ACTR3: variants seen among roughly 807,000 people sequenced by gnomAD.
ACTR3 encodes actin-related protein 3.
ACTR3 carries 12 observed loss-of-function variants against 56.8 expected under a neutral mutation model. That is an observed-to-expected ratio of 0.21 (90% CI 0.14 to 0.34). The LOEUF is 0.34. Ranked by LOEUF, ACTR3 falls within the 10% of genes least tolerant of loss-of-function variation. ACTR3 has a pLI of 1.00. For missense variants in ACTR3, 282 were observed against 512.5 expected (o/e 0.55, Z 4.34); for synonymous variants, 162 against 167.4 (o/e 0.97, Z 0.25).
intron 1 of ACTR3, among the ~76,000 whole-genome samples, chr2:113,901,213 G>A (rs1483432371): frequency 6.6e-6 from 1 of 152,206 alleles, no homozygotes; most frequent in Non-Finnish European, 1.5e-5. Context: ...AGCTACTTGG[G>A]AGGCTGAGGC....
chr2:113,912,846 A>G (rs762288379), intron 1 of ACTR3, among the ~76,000 whole-genome samples: 35 of 152,326 alleles, frequency 2.3e-4, no homozygotes, highest in African/African-American at 4.1e-4. Flanking sequence ...GCATATTTCA[A>G]TAGTTTCCAG....
At chr2:113,948,621 T>C (rs566538420) in intron 8 of ACTR3, among the ~76,000 whole-genome samples, 1 of 152,330 alleles carries the variant, frequency 6.6e-6, no homozygotes, top group East Asian at 1.9e-4. Context: ...ACCACAAATT[T>C]TGTTCATATC....
At chr2:113,931,439 A>T (rs201774265) in intron 5 of ACTR3, 43 bp downstream of exon 5, 23 of 1,374,822 alleles carry the variant, frequency 1.7e-5, no homozygotes, top group Admixed American at 1.3e-4. Flanking sequence ...TTACATTTTA[A>T]CCTAGTTTAA....
At chr2:113,905,462 C>T (rs1679175297) in intron 1 of ACTR3, among the ~76,000 whole-genome samples, 1 of 143,528 alleles carries the variant, frequency 7.0e-6, no homozygotes, top group African/African-American at 2.7e-5. Context: ...AAGACTCCGT[C>T]TCAAAAAAAA....
At chr2:113,909,748 CAAGT>C (rs1242094498) in intron 1 of ACTR3, among the ~76,000 whole-genome samples, 2 of 151,096 alleles carry the variant, frequency 1.3e-5, no homozygotes, top group Non-Finnish European at 2.9e-5. Context: ...TTTATGTAAG[CAAGT>C]GATAGCAGAT....
chr2:113,909,149 G>GC (rs1679256406), intron 1 of ACTR3, among the ~76,000 whole-genome samples: 2 of 152,208 alleles, frequency 1.3e-5, no homozygotes, highest in African/African-American at 4.8e-5. Context: ...AGATTATTTT[G>GC]CTGTGGCATT....
intron 2 of ACTR3, among the ~76,000 whole-genome samples, chr2:113,914,630 A>AG (rs543115282): frequency 0.023 from 3,491 of 148,872 alleles, 105 homozygotes; most frequent in African/African-American, 0.07. Flanking sequence ...AAAAAAAAAA[A>AG]AAAGAAAGAA....
At chr2:113,930,679 C>G (rs1207298085) in intron 4 of ACTR3, among the ~76,000 whole-genome samples, 1 of 152,198 alleles carries the variant, frequency 6.6e-6, no homozygotes, top group Admixed American at 6.5e-5. Flanking sequence ...TTCCTTGCCT[C>G]TTTAGAGTGT....
Position 113,957,517 on chromosome 2 carries a change from G to T in ACTR3, c.*62G>T, listed in dbSNP as rs1251332615. The T allele has an allele frequency of 9.6e-6, 13 of 1,355,522 alleles. No homozygotes were observed. The highest frequency in any genetic ancestry group is 1.4e-5 in the Non-Finnish European group (13 of 949,288). The allele number at this position is 1,355,522 out of a possible 1,614,324, so 84.0% of individuals were successfully genotyped here. A position where few individuals can be genotyped will look rare whatever the true frequency, so the allele number is the denominator to read the frequency against. On this transcript the variant is annotated 3_prime_UTR_variant, in exon 12 of 12. Transcript: ENST00000263238. Reference sequence around the variant, plus strand: ...GAAGAGATAATCTTTCTGATTACCTGTTTTGTCTGGATGGCTGGTTTTGAG... The same window carrying T: ...GAAGAGATAATCTTTCTGATTACCTTTTTTGTCTGGATGGCTGGTTTTGAG...
intron 2 of ACTR3, among the ~76,000 whole-genome samples, chr2:113,914,551 C>CA (rs1679367720): frequency 7.1e-6 from 1 of 141,134 alleles, no homozygotes; most frequent in African/African-American, 2.7e-5. Flanking sequence ...GTGGAGGTTG[C>CA]AGTGAGCTGA....
At chr2:113,898,333 A>C (rs1224027786) in intron 1 of ACTR3, among the ~76,000 whole-genome samples, 1 of 152,176 alleles carries the variant, frequency 6.6e-6, no homozygotes, top group Admixed American at 6.5e-5. Context: ...ATTTTGAGAG[A>C]TAATTTAATC....
intron 6 of ACTR3, among the ~76,000 whole-genome samples, chr2:113,936,985 C>T (rs1338219056): frequency 2.0e-5 from 3 of 152,118 alleles, no homozygotes; most frequent in African/African-American, 2.4e-5. Flanking sequence ...TAACTAGATA[C>T]CACTTTGAAT....
chr2:113,911,844 C>G (rs1229109372), intron 1 of ACTR3, among the ~76,000 whole-genome samples: 1 of 152,060 alleles, frequency 6.6e-6, no homozygotes, highest in Admixed American at 6.6e-5. Context: ...TCAAGCGATT[C>G]TCTTGCCTCA....
chr2:113,921,335 T>C (rs1435618393), intron 3 of ACTR3, among the ~76,000 whole-genome samples: 1 of 151,596 alleles, frequency 6.6e-6, no homozygotes, highest in East Asian at 1.9e-4. Flanking sequence ...TTTTTTTTTC[T>C]TGCTGTTGAA....
intron 1 of ACTR3, among the ~76,000 whole-genome samples, chr2:113,910,350 A>T (rs1679284697): frequency 6.6e-6 from 1 of 152,136 alleles, no homozygotes; most frequent in African/African-American, 2.4e-5. Flanking sequence ...CTTCCTACAC[A>T]CCTCACCCTG....
intron 8 of ACTR3, among the ~76,000 whole-genome samples, 193 bp downstream of exon 8, chr2:113,942,552 T>C (rs370254621): frequency 6.6e-6 from 1 of 152,170 alleles, no homozygotes; most frequent in East Asian, 1.9e-4. Flanking sequence ...AAATTGTTGC[T>C]ATTTTTTGCA....
chr2:113,906,034 G>A lies in ACTR3; in HGVS notation c.45-7138G>A, dbSNP rs544508053. ...TACCCAGAAGTGGAATTGTTGGGTC[G>A]TGTAATTACTGTATTTAATTTTTGG... On this transcript the variant is annotated intron_variant, in intron 1 of 11. Coordinates refer to ENST00000263238, the MANE Select transcript of ACTR3 (RefSeq NM_005721.5). Among the ~76,000 whole-genome samples the A allele has an allele frequency of 1.2e-4, 19 of 152,182 alleles. No individual in the cohort carries two copies. In the South Asian group the frequency reaches 1.7e-3, roughly 13 times the overall value.
rs1276301727 is a variant in ACTR3 at position 113,959,341 on chromosome 2, G to A, written c.*1886G>A. On this transcript the variant is annotated 3_prime_UTR_variant, in exon 12 of 12. Coordinates refer to ENST00000263238, the MANE Select transcript of ACTR3 (RefSeq NM_005721.5). ...TGATAAAGAACTATATTGATAAGCA[G>A]TAAAGATGTCATGCTCCTGGCCCAA... is the stretch of plus-strand genomic sequence containing the variant. The A allele has an allele frequency of 6.6e-6, 1 of 152,002 alleles. No homozygotes were observed. Among genetic ancestry groups the A allele is most frequent in the Non-Finnish European group, 1.5e-5 (1 of 67,904 alleles). 9.4% of individuals were successfully genotyped at this position (152,002 alleles called of 1,614,324 possible).
intron 3 of ACTR3, among the ~76,000 whole-genome samples, chr2:113,918,558 G>A (rs55641866): frequency 0.045 from 6,871 of 151,614 alleles, 503 homozygotes; most frequent in African/African-American, 0.16. Flanking sequence ...CTAATTTTTT[G>A]TATTTTTGGT....
Sources: gnomAD v4.1 joint callset for allele counts (sites outside exome capture counted in the v4.1 genomes callset) on GRCh38, gnomAD v4.1.1 for gene constraint, MANE v1.5 for transcripts, NCBI Gene and HGNC (gene_info 2026-07-23, HGNC 2026-07-21) for gene names.